The following B4GALT1 variants were observed in gnomAD, a reference collection of about 807,000 sequenced individuals.
B4GALT1 encodes the protein N-acetyllactosamine synthase.
Under a neutral mutation model 34.9 loss-of-function variants are expected in B4GALT1, and 16 were observed. The ratio of observed to expected loss-of-function variants is 0.46; its 90% CI spans 0.31 to 0.70. B4GALT1 has a LOEUF of 0.70. Among genes scored for constraint, B4GALT1 ranks in the 30% least tolerant of loss-of-function variants. The probability of loss-of-function intolerance (pLI) is 0.05; values close to 1 mark genes in which losing one functional copy is unlikely to be tolerated. For synonymous variants in B4GALT1, 221 were observed against 218.1 expected, an observed-to-expected ratio of 1.01 and a Z score of -0.12; for missense variants, 445 against 530.5, an observed-to-expected ratio of 0.84 and a Z score of 1.58.
At chr9:33,181,627 A>G in the B4GALT1 span, among the ~76,000 whole-genome samples, 1 of 152,172 alleles carries the variant, frequency 6.6e-6, no homozygotes, top group South Asian at 2.1e-4. Flanking sequence ...GGCCTGGGTG[A>G]CTTATATCTG....
chr9:33,168,537 C>T (rs1011902467), upstream of B4GALT1, among the ~76,000 whole-genome samples: 1 of 152,228 alleles, frequency 6.6e-6, no homozygotes, highest in Non-Finnish European at 1.5e-5. Flanking sequence ...GTGTCCATTT[C>T]ACAGATGAGA....
At chr9:33,137,977 C>G (rs534359469) in intron 1 of B4GALT1, among the ~76,000 whole-genome samples, 1 of 152,350 alleles carries the variant, frequency 6.6e-6, no homozygotes, top group South Asian at 2.1e-4. Context: ...CCCACAACAT[C>G]TGCAGCCCCC....
At chr9:33,174,979 AAAAAAAAAAAAATATAT>A in the B4GALT1 span, among the ~76,000 whole-genome samples, 5 of 43,298 alleles carry the variant, frequency 1.2e-4, no homozygotes, top group Admixed American at 3.2e-4. Context: ...AAAAAAAAAA[AAAAAAAAAAAAATATAT>A]ATATATATAT....
chr9:33,151,398 G>A (rs564195380), intron 1 of B4GALT1, among the ~76,000 whole-genome samples: 2 of 152,204 alleles, frequency 1.3e-5, no homozygotes, highest in South Asian at 2.1e-4. Flanking sequence ...TGCTGACTAC[G>A]AGCACATCCT....
At chr9:33,120,124 C>T (rs1020200851) in intron 3 of B4GALT1, among the ~76,000 whole-genome samples, 7 of 151,180 alleles carry the variant, frequency 4.6e-5, no homozygotes, top group African/African-American at 1.7e-4. Flanking sequence ...GCAGAGGTTG[C>T]GGTGAGCCAA....
the B4GALT1 span, among the ~76,000 whole-genome samples, chr9:33,174,751 G>A: frequency 1.3e-5 from 2 of 148,590 alleles, no homozygotes; most frequent in Non-Finnish European, 3.0e-5. Context: ...GAGGCCAGGA[G>A]TTCAAGACCA....
intron 1 of B4GALT1, among the ~76,000 whole-genome samples, chr9:33,145,784 T>TCC (rs1840416742): frequency 1.3e-5 from 2 of 152,238 alleles, no homozygotes. Flanking sequence ...GCCTTTACTG[T>TCC]CCCTGCGCTG....
intron 1 of B4GALT1, among the ~76,000 whole-genome samples, chr9:33,158,077 A>G (rs1479633154): frequency 6.6e-6 from 1 of 152,176 alleles, no homozygotes; most frequent in East Asian, 1.9e-4. Context: ...AGTGAGCTTC[A>G]AAAGGAATTC....
chr9:33,129,358 C>T (rs1840159785), intron 2 of B4GALT1, among the ~76,000 whole-genome samples: 1 of 152,236 alleles, frequency 6.6e-6, no homozygotes, highest in African/African-American at 2.4e-5. Flanking sequence ...GCAGCCTGTG[C>T]TCTGGTCAGC....
At chr9:33,132,616 G>A (rs551646471) in intron 2 of B4GALT1, among the ~76,000 whole-genome samples, 1 of 152,354 alleles carries the variant, frequency 6.6e-6, no homozygotes, top group South Asian at 2.1e-4. Context: ...CTCGGATTGA[G>A]GTGGGCAGGA....
chr9:33,156,342 C>T (rs1285286048), intron 1 of B4GALT1, among the ~76,000 whole-genome samples: 1 of 152,166 alleles, frequency 6.6e-6, no homozygotes, highest in Non-Finnish European at 1.5e-5. Context: ...CCATGTTGGC[C>T]AGGCTGGTCT....
chr9:33,142,479 A>G (rs1182690084), intron 1 of B4GALT1, among the ~76,000 whole-genome samples: 1 of 152,234 alleles, frequency 6.6e-6, no homozygotes, highest in African/African-American at 2.4e-5. Flanking sequence ...AAACAGGAAT[A>G]GTCTATTCTT....
rs541521063 is a variant in B4GALT1, at chr9:33,129,583, T to C, written c.648+5606A>G. Among the ~76,000 whole-genome samples the C allele has an allele frequency of 7.2e-5, 11 of 152,308 alleles. No individual in the cohort carries two copies. The East Asian group carries it at 2.1e-3, about 29-fold the overall frequency. On this transcript the variant is annotated intron_variant, in intron 2 of 5. Transcript: ENST00000379731. ...CTCCACTCACTGACTGCGTCTGTACTGACTATGTACCAGCTGTGTGGTCAG... is the reference window on the plus strand; with the variant it reads ...CTCCACTCACTGACTGCGTCTGTACCGACTATGTACCAGCTGTGTGGTCAG...
chr9:33,141,148 C>T (rs1214259575), intron 1 of B4GALT1, among the ~76,000 whole-genome samples: 1 of 152,120 alleles, frequency 6.6e-6, no homozygotes, highest in Non-Finnish European at 1.5e-5. Context: ...GTATCATGTG[C>T]CAGGTGGTAT....
chr9:33,146,697 CTTT>C (rs11291171), intron 1 of B4GALT1, among the ~76,000 whole-genome samples: 28 of 140,800 alleles, frequency 2.0e-4, no homozygotes, highest in Admixed American at 4.9e-4. Context: ...TCTTTCTTTT[CTTT>C]TTTTTTTTTT....
At chr9:33,116,141 A>G in intron 3 of B4GALT1, 28 bp from the exon 4 acceptor site, 1 of 1,609,026 alleles carries the variant, frequency 6.2e-7, no homozygotes. Flanking sequence ...ACACAGAAGG[A>G]GCAGTGGTTA....
rs1026570828 is a variant in B4GALT1 at position 33,113,331 on chromosome 9, A to G, written c.*123T>C. On this transcript the variant is annotated 3_prime_UTR_variant, in exon 6 of 6. Transcript: ENST00000379731. ...GGTCATCTGGAAAGCCATCTGAATG[A>G]TGAGCGAAGGGGACCTGTCACTCAG... 6 of 1,438,252 alleles carry G rather than the reference A, an allele frequency of 4.2e-6. No individual in the cohort carries two copies. Among genetic ancestry groups the G allele is most frequent in the Middle Eastern group, 4.7e-4 (2 of 4,240 alleles). 89.1% of individuals were successfully genotyped at this position (1,438,252 alleles called of 1,614,324 possible). A position where few individuals can be genotyped will look rare whatever the true frequency, so the allele number is the denominator to read the frequency against.
intron 1 of B4GALT1, among the ~76,000 whole-genome samples, chr9:33,145,204 C>T (rs764181923): frequency 1.1e-4 from 16 of 152,146 alleles, no homozygotes; most frequent in Non-Finnish European, 1.2e-4. Flanking sequence ...CCCCCAACCC[C>T]TCCAGCACCC....
At position 33,110,769 on chromosome 9, in the gene B4GALT1, C is replaced by T. The variant is rs747040675; in HGVS notation, c.*2685G>A. ...TGGTAAATACACACATTTGCATACACAGGAAATCAAAATACACAGCACAAC... is the reference window on the plus strand; with the variant it reads ...TGGTAAATACACACATTTGCATACATAGGAAATCAAAATACACAGCACAAC... On this transcript the variant is annotated 3_prime_UTR_variant, in exon 6 of 6. Transcript: ENST00000379731. 2.0e-5 allele frequency: 3 copies of T among 152,214 alleles called. No individual in the cohort carries two copies. The highest frequency in any genetic ancestry group is 4.4e-5 in the Non-Finnish European group (3 of 68,054). The allele number at this position is 152,214 out of a possible 1,614,324, so 9.4% of individuals were successfully genotyped here.
Sources: allele counts gnomAD v4.1 joint callset (sites outside exome capture counted in the v4.1 genomes callset), GRCh38; gene constraint gnomAD v4.1.1; transcripts MANE v1.5; gene names NCBI Gene and HGNC (gene_info 2026-07-23, HGNC 2026-07-21).